The following PLA2G4A variants were observed in gnomAD, a reference collection of about 807,000 sequenced individuals.
The protein encoded by PLA2G4A is phospholipase A2 group IVA, also known as cytosolic phospholipase A2.
In PLA2G4A, 40 loss-of-function variants were observed where a neutral mutation model predicts 81.9. The ratio of observed to expected loss-of-function variants is 0.49; its 90% CI spans 0.38 to 0.64. PLA2G4A has a LOEUF of 0.64. Among genes scored for constraint, PLA2G4A ranks in the 30% least tolerant of loss-of-function variants. The pLI is 0.00. For synonymous variants in PLA2G4A, 302 were observed against 296.9 expected (o/e 1.02, Z -0.18); for missense variants, 715 against 905.1 (o/e 0.79, Z 2.69).
rs1191235362 is a variant in PLA2G4A, at chr1:186,950,944, AAAAATAC to A, written c.1336+217_1336+223del. Reference sequence around the variant, plus strand: ...CTAATTTATTTTGTTTTAATACCTCAAAAATACTATAAGTTGAACAAATGAACAGATC... The same window carrying A: ...CTAATTTATTTTGTTTTAATACCTCATATAAGTTGAACAAATGAACAGATC... On this transcript the variant is annotated intron_variant, in intron 13 of 17. Coordinates refer to ENST00000367466, the MANE Select transcript of PLA2G4A (RefSeq NM_024420.3). 2.6e-4 allele frequency among the ~76,000 whole-genome samples: 39 copies of A among 152,340 alleles called. 1 individual carries two copies. The highest frequency in any genetic ancestry group is 9.4e-4 in the African/African-American group (39 of 41,572).
intron 7 of PLA2G4A, among the ~76,000 whole-genome samples, chr1:186,931,151 T>C (rs1655731262): frequency 6.6e-6 from 1 of 152,190 alleles, no homozygotes; most frequent in Admixed American, 6.5e-5. Context: ...GACTTACATA[T>C]TTTACTTTAT....
At chr1:186,967,457 C>T (rs890746637) in intron 15 of PLA2G4A, among the ~76,000 whole-genome samples, 14 of 136,294 alleles carry the variant, frequency 1.0e-4, no homozygotes, top group South Asian at 2.1e-4. Context: ...GCACACTGTT[C>T]ATGAACTCTT....
chr1:186,933,896 GACATCT>G (rs2102206462), intron 8 of PLA2G4A, among the ~76,000 whole-genome samples: 1 of 152,074 alleles, frequency 6.6e-6, no homozygotes, highest in African/African-American at 2.4e-5. Context: ...TCTTTTCTGG[GACATCT>G]ATATATTTTA....
At chr1:186,926,685 T>C (rs569835474) in intron 7 of PLA2G4A, among the ~76,000 whole-genome samples, 1 of 152,220 alleles carries the variant, frequency 6.6e-6, no homozygotes, top group Non-Finnish European at 1.5e-5. Flanking sequence ...GACCTCAACG[T>C]TGAATTAAAT....
At chr1:186,966,710 A>G (rs1229171032) in intron 15 of PLA2G4A, among the ~76,000 whole-genome samples, 1 of 152,176 alleles carries the variant, frequency 6.6e-6, no homozygotes. Flanking sequence ...GAATACTCAA[A>G]ACATTCTTTA....
intron 1 of PLA2G4A, among the ~76,000 whole-genome samples, chr1:186,840,631 G>A (rs1345323290): frequency 2.0e-5 from 3 of 152,066 alleles, no homozygotes; most frequent in Admixed American, 6.5e-5. Flanking sequence ...CAATCTCACC[G>A]GCTGCCTGAA....
intron 2 of PLA2G4A, among the ~76,000 whole-genome samples, chr1:186,868,241 AT>A (rs1207771453): frequency 4.0e-5 from 6 of 151,008 alleles, no homozygotes; most frequent in Admixed American, 3.3e-4. Flanking sequence ...TGCCCGGCTA[AT>A]TTTTTTTGTA....
At chr1:186,915,060 T>C (rs549225205) in intron 7 of PLA2G4A, among the ~76,000 whole-genome samples, 2 of 152,280 alleles carry the variant, frequency 1.3e-5, no homozygotes, top group South Asian at 4.1e-4. Flanking sequence ...ACTCTTATTA[T>C]AAGAGTTTTA....
At chr1:186,961,895 C>T (rs1221865701) in intron 14 of PLA2G4A, among the ~76,000 whole-genome samples, 1 of 152,154 alleles carries the variant, frequency 6.6e-6, no homozygotes, top group Non-Finnish European at 1.5e-5. Context: ...CACCTGCTGT[C>T]AACCACAGTT....
At chr1:186,907,414 TTGAGAC>T (rs1462240876) in intron 6 of PLA2G4A, among the ~76,000 whole-genome samples, 1 of 152,192 alleles carries the variant, frequency 6.6e-6, no homozygotes, top group Non-Finnish European at 1.5e-5. Context: ...ATTTTTAAAA[TTGAGAC>T]TGATTTTATT....
At chr1:186,890,740 G>T (rs914201219) in intron 3 of PLA2G4A, among the ~76,000 whole-genome samples, 8 of 151,830 alleles carry the variant, frequency 5.3e-5, no homozygotes, top group African/African-American at 1.9e-4. Flanking sequence ...TGTAATCCCA[G>T]CTACTCTGGA....
intron 3 of PLA2G4A, among the ~76,000 whole-genome samples, chr1:186,885,519 T>C (rs1571366097): frequency 6.6e-6 from 1 of 152,068 alleles, no homozygotes; most frequent in Non-Finnish European, 1.5e-5. Flanking sequence ...TAATTTGTCA[T>C]AAAAAAGTCT....
intron 2 of PLA2G4A, among the ~76,000 whole-genome samples, chr1:186,857,651 A>G (rs1360716695): frequency 6.6e-6 from 1 of 150,470 alleles, no homozygotes; most frequent in African/African-American, 2.4e-5. Context: ...ACATGTGCAC[A>G]ACGTGTAGGC....
chr1:186,976,416 T>C (rs1207190092), intron 15 of PLA2G4A, among the ~76,000 whole-genome samples: 1 of 152,218 alleles, frequency 6.6e-6, no homozygotes, highest in African/African-American at 2.4e-5. Context: ...TTCTCTTTAC[T>C]GGCATTTATT....
chr1:186,977,189 T>C (rs1469107799), intron 15 of PLA2G4A, among the ~76,000 whole-genome samples: 1 of 152,204 alleles, frequency 6.6e-6, no homozygotes, highest in Non-Finnish European at 1.5e-5. Context: ...GTGGAGATGA[T>C]ACAGGTAAAA....
chr1:186,853,647 G>T (rs181119072), intron 1 of PLA2G4A, among the ~76,000 whole-genome samples: 1 of 151,830 alleles, frequency 6.6e-6, no homozygotes, highest in Admixed American at 6.6e-5. Context: ...TAGCAAAGAT[G>T]TTCATTCATT....
intron 14 of PLA2G4A, among the ~76,000 whole-genome samples, chr1:186,960,102 A>G (rs933442411): frequency 2.0e-5 from 3 of 152,158 alleles, no homozygotes; most frequent in Non-Finnish European, 2.9e-5. Context: ...AGAAGAAATT[A>G]TAATAGGATA....
chr1:186,931,071 CT>C (rs138932411), intron 7 of PLA2G4A, among the ~76,000 whole-genome samples: 9 of 152,114 alleles, frequency 5.9e-5, no homozygotes, highest in Non-Finnish European at 1.2e-4. Flanking sequence ...TTGTATTCTA[CT>C]CATCCTCTGT....
rs138956714 is a variant in PLA2G4A, at chr1:186,901,207, T to C, written c.379-5758T>C. Among the ~76,000 whole-genome samples the C allele has an allele frequency of 7.7e-4, 118 of 152,364 alleles. 2 individuals are homozygous for C. The East Asian group carries it at 0.021, about 27-fold the overall frequency. On this transcript the variant is annotated intron_variant, in intron 5 of 17. Transcript: ENST00000367466. ...AAGATGTTAAAACTGTTAGATATTG[T>C]TGCAGGACAGAGTTCAAATGTGGCT...
Sources: allele counts gnomAD v4.1 joint callset (sites outside exome capture counted in the v4.1 genomes callset), GRCh38; gene constraint gnomAD v4.1.1; transcripts MANE v1.5; gene names NCBI Gene and HGNC (gene_info 2026-07-23, HGNC 2026-07-21).